The following DIS3L2 variants were observed in gnomAD, a reference collection of about 807,000 sequenced individuals.
The protein encoded by DIS3L2 is DIS3 like 3'-5' exoribonuclease 2, also known as DIS3-like exonuclease 2.
A neutral mutation model predicts 97.5 loss-of-function variants in DIS3L2; 34 were observed. That is an observed-to-expected ratio of 0.35 (90% CI 0.27 to 0.46). The LOEUF is 0.46. Among genes scored for constraint, DIS3L2 ranks in the 20% least tolerant of loss-of-function variants. DIS3L2 has a pLI of 1.00. For missense variants in DIS3L2, 1,038 were observed against 1,146.0 expected (o/e 0.91, Z 1.36); for synonymous variants, 435 against 445.2 (o/e 0.98, Z 0.29).
chr2:232,164,903 T>C (rs1690760379), intron 9 of DIS3L2, among the ~76,000 whole-genome samples: 1 of 152,190 alleles, frequency 6.6e-6, no homozygotes, highest in African/African-American at 2.4e-5. Context: ...GAGGGGTTTG[T>C]TTTCTGAGGT....
chr2:232,042,236 A>G (rs1177466825), intron 5 of DIS3L2, among the ~76,000 whole-genome samples: 2 of 152,116 alleles, frequency 1.3e-5, no homozygotes, highest in African/African-American at 2.4e-5. Flanking sequence ...GTCACATGAA[A>G]TTGGTCTAGT....
chr2:232,204,337 C>T (rs11684194), intron 9 of DIS3L2, among the ~76,000 whole-genome samples: 1,819 of 152,220 alleles, frequency 0.012, 17 homozygotes, highest in Non-Finnish European at 0.018. Flanking sequence ...TTGTTATTTC[C>T]TAGGGTTCTT....
chr2:232,305,691 AC>A (rs1267642411), intron 14 of DIS3L2, among the ~76,000 whole-genome samples: 5 of 152,194 alleles, frequency 3.3e-5, no homozygotes, highest in Admixed American at 6.5e-5. Flanking sequence ...GCAGTGGCTC[AC>A]GCCTGTAATC....
intron 5 of DIS3L2, among the ~76,000 whole-genome samples, chr2:232,074,799 G>T (rs1462551812): frequency 6.6e-6 from 1 of 151,996 alleles, no homozygotes; most frequent in Non-Finnish European, 1.5e-5. Flanking sequence ...GCCCAGGCTG[G>T]TCTTGAATTC....
chr2:232,288,462 A>G (rs756812413), intron 13 of DIS3L2, among the ~76,000 whole-genome samples: 1 of 152,230 alleles, frequency 6.6e-6, no homozygotes, highest in Non-Finnish European at 1.5e-5. Flanking sequence ...GAGGACAACC[A>G]TAGAGGAACT....
chr2:232,157,321 A>C (rs886804524), intron 8 of DIS3L2, among the ~76,000 whole-genome samples: 2 of 152,140 alleles, frequency 1.3e-5, no homozygotes, highest in Non-Finnish European at 2.9e-5. Context: ...TTTCTTCCCA[A>C]ACCATGTACA....
At chr2:232,040,587 T>A (rs1695082646) in intron 5 of DIS3L2, among the ~76,000 whole-genome samples, 1 of 152,234 alleles carries the variant, frequency 6.6e-6, no homozygotes, top group African/African-American at 2.4e-5. Context: ...ATTCTATTAT[T>A]TTCCTTCTCT....
intron 5 of DIS3L2, among the ~76,000 whole-genome samples, chr2:232,079,785 G>C (rs948482751): frequency 4.6e-5 from 7 of 152,160 alleles, no homozygotes; most frequent in African/African-American, 1.7e-4. Context: ...GCCAGGCAGA[G>C]AGCTTTCCAG....
At chr2:232,063,008 A>G (rs1259167286) in intron 5 of DIS3L2, among the ~76,000 whole-genome samples, 3 of 151,760 alleles carry the variant, frequency 2.0e-5, no homozygotes, top group Non-Finnish European at 4.4e-5. Context: ...TGTTCACATT[A>G]TATTTACTTT....
intron 8 of DIS3L2, among the ~76,000 whole-genome samples, chr2:232,154,851 C>G (rs1226301822): frequency 2.5e-5 from 2 of 79,536 alleles, no homozygotes; most frequent in African/African-American, 5.3e-5. Context: ...TAGCAATCAG[C>G]GAGATTCCGT....
At chr2:232,327,771 C>A (rs931667513) in intron 14 of DIS3L2, among the ~76,000 whole-genome samples, 24 of 152,154 alleles carry the variant, frequency 1.6e-4, no homozygotes, top group Admixed American at 5.9e-4. Context: ...ATTGAGGAGA[C>A]CCCCAGCTGG....
chr2:231,973,051 A>G (rs550518602), intron 1 of DIS3L2, among the ~76,000 whole-genome samples: 28 of 152,286 alleles, frequency 1.8e-4, no homozygotes, highest in Non-Finnish European at 2.9e-4. Context: ...GAATTGGAAA[A>G]TGTTCCTTTT....
intron 6 of DIS3L2, among the ~76,000 whole-genome samples, chr2:232,122,243 G>T (rs566699335): frequency 6.6e-6 from 1 of 152,268 alleles, no homozygotes; most frequent in South Asian, 2.1e-4. Context: ...TGCTTACTGT[G>T]TTTTAGCCCC....
intron 9 of DIS3L2, among the ~76,000 whole-genome samples, chr2:232,183,383 C>T (rs972369427): frequency 1.4e-4 from 21 of 152,304 alleles, no homozygotes; most frequent in Non-Finnish European, 2.1e-4. Flanking sequence ...TATTTGAAAA[C>T]AGTAAGTCTC....
At chr2:232,010,430 C>G (rs1392731569) in intron 1 of DIS3L2, among the ~76,000 whole-genome samples, 1 of 151,954 alleles carries the variant, frequency 6.6e-6, no homozygotes, top group Non-Finnish European at 1.5e-5. Context: ...TGTCTTAATA[C>G]TACTTGTTGA....
intron 9 of DIS3L2, among the ~76,000 whole-genome samples, chr2:232,196,993 T>C (rs1019256473): frequency 6.6e-6 from 1 of 152,144 alleles, no homozygotes; most frequent in African/African-American, 2.4e-5. Context: ...TCCAGGGCTG[T>C]TGAAATGCAT....
At chr2:232,006,586 T>C (rs1461907421) in intron 1 of DIS3L2, among the ~76,000 whole-genome samples, 1 of 152,204 alleles carries the variant, frequency 6.6e-6, no homozygotes, top group Non-Finnish European at 1.5e-5. Context: ...GCCGGTATTA[T>C]TCAGCAGGAT....
intron 6 of DIS3L2, among the ~76,000 whole-genome samples, chr2:232,125,348 G>A (rs1448417176): frequency 6.6e-6 from 1 of 152,170 alleles, no homozygotes; most frequent in Non-Finnish European, 1.5e-5. Context: ...ATGCTCACTG[G>A]GTTGACTCCA....
At chr2:232,225,270 T>C (rs1477976434) in intron 10 of DIS3L2, among the ~76,000 whole-genome samples, 2 of 152,190 alleles carry the variant, frequency 1.3e-5, no homozygotes, top group Non-Finnish European at 2.9e-5. Context: ...GGTGTATATA[T>C]GTACAGGAAC....
Sources: allele counts gnomAD v4.1 joint callset (sites outside exome capture counted in the v4.1 genomes callset), GRCh38; gene constraint gnomAD v4.1.1; transcripts MANE v1.5; gene names NCBI Gene and HGNC (gene_info 2026-07-23, HGNC 2026-07-21).